Variants in DNMT1 observed in about 807,000 individuals in gnomAD.
DNMT1 encodes DNA methyltransferase 1.
Under a neutral mutation model 205.3 loss-of-function variants are expected in DNMT1, and 24 were observed. That is an observed-to-expected ratio of 0.12 (90% CI 0.08 to 0.16). The LOEUF (loss-of-function observed/expected upper bound fraction) is 0.16. DNMT1 is among the 10% of genes least tolerant of loss of function. The pLI, the probability that DNMT1 is intolerant of heterozygous loss-of-function variation, is 1.00. For missense variants in DNMT1, 1,293 were observed against 2,177.7 expected, an observed-to-expected ratio of 0.59 and a Z score of 8.09; for synonymous variants, 817 against 839.8, an observed-to-expected ratio of 0.97 and a Z score of 0.47.
chr19:10,188,649 C>G (rs1367604442), intron 1 of DNMT1, among the ~76,000 whole-genome samples: 2 of 152,260 alleles, frequency 1.3e-5, no homozygotes, highest in South Asian at 2.1e-4. Flanking sequence ...GAATACAGAC[C>G]TTGAGATGGG....
intron 1 of DNMT1, among the ~76,000 whole-genome samples, chr19:10,189,544 C>T (rs1176303736): frequency 2.6e-5 from 4 of 151,770 alleles, no homozygotes; most frequent in Non-Finnish European, 4.4e-5. Flanking sequence ...CTCTGCCTCC[C>T]GAGTAGCTGG....
intron 7 of DNMT1, 125 bp from the exon 8 acceptor site, chr19:10,174,030 G>A: frequency 1.0e-6 from 1 of 981,136 alleles, no homozygotes; most frequent in Non-Finnish European, 1.6e-6. Flanking sequence ...GGAAAAGAAG[G>A]GGCCTGGGTT....
intron 27 of DNMT1, among the ~76,000 whole-genome samples, chr19:10,147,263 GATAAATAA>G (rs36026709): frequency 1.1e-4 from 16 of 146,656 alleles, no homozygotes; most frequent in African/African-American, 1.5e-4. Flanking sequence ...CCCTGTCTCA[GATAAATAA>G]ATAAATAAAT....
intron 31 of DNMT1, 35 bp downstream of exon 31, chr19:10,141,070 G>A (rs1158344023): frequency 1.2e-6 from 2 of 1,612,088 alleles, no homozygotes; most frequent in Non-Finnish European, 1.7e-6. Context: ...AGTTACAGAA[G>A]AATAACTTGA....
chr19:10,171,846 A>AATAC (rs2038824993), intron 9 of DNMT1, among the ~76,000 whole-genome samples: 4 of 148,772 alleles, frequency 2.7e-5, no homozygotes, highest in South Asian at 2.1e-4. Flanking sequence ...TAAATAAATA[A>AATAC]AAACACAAAA....
At position 10,136,321 on chromosome 19, in the gene DNMT1, T is replaced by C. The variant is rs753057715; in HGVS notation, c.4490-34A>G. 4 of 1,611,786 alleles carry C rather than the reference T, an allele frequency of 2.5e-6. No individual in the cohort carries two copies. In the South Asian group the frequency reaches 4.4e-5, roughly 18 times the overall value. On this transcript the variant is annotated intron_variant, in intron 37 of 40. Coordinates refer to ENST00000359526, the MANE Select transcript of DNMT1 (RefSeq NM_001130823.3). ...CAGGACAGTGATGAGGCTGCAGTTG[T>C]GGGATGGGGTATAGGCTTGGGACAG...
At chr19:10,135,070 G>A (rs1042893285) in intron 39 of DNMT1, among the ~76,000 whole-genome samples, 1 of 151,786 alleles carries the variant, frequency 6.6e-6, no homozygotes, top group Non-Finnish European at 1.5e-5. Context: ...AAATTAGCCG[G>A]GTGTGGTAGC....
Position 10,136,274 on chromosome 19 carries a change from G to A in DNMT1, c.4503C>T (p.Cys1501=), listed in dbSNP as rs149271718. ...VCSCVEAGKA[C]DPAARQFNTL... is the part of the protein sequence containing the mutation. The stretch of plus-strand genomic sequence containing the variant: ...TGTTGAACTGCCTGGCTGCGGGGTC[G>A]CAGGCTTTGCCGGCTGGAAGACAGG... The change falls in exon 38 of 41, where the codon TGC becomes TGT. Residue 1501 remains cysteine (C), a synonymous_variant. Transcript: ENST00000359526. 657 of 1,613,996 alleles carry A rather than the reference G, an allele frequency of 4.1e-4. 5 individuals carry two copies. The African/African-American group carries it at 7.7e-3, about 19-fold the overall frequency.
At chr19:10,145,337 G>A (rs183803693) in intron 28 of DNMT1, among the ~76,000 whole-genome samples, 22 of 152,318 alleles carry the variant, frequency 1.4e-4, no homozygotes, top group Non-Finnish European at 2.2e-4. Context: ...ACAACCAGAG[G>A]GGGTAACGCG....
At chr19:10,152,936 C>CAAAAAAA (rs34698448) in intron 22 of DNMT1, among the ~76,000 whole-genome samples, 1 of 72,588 alleles carries the variant, frequency 1.4e-5, no homozygotes. Context: ...CCTGTCTCTA[C>CAAAAAAA]AAAAAAAAAA....
At chr19:10,174,696 G>C (rs1178549576) in intron 7 of DNMT1, among the ~76,000 whole-genome samples, 1 of 150,914 alleles carries the variant, frequency 6.6e-6, no homozygotes, top group African/African-American at 2.4e-5. Flanking sequence ...GAAAGAGTGA[G>C]ACTCCATCTA....
rs1292868370 is a variant in DNMT1, at chr19:10,154,249, C to A, written c.2019+44G>T. The A allele has an allele frequency of 6.2e-7, 1 of 1,604,964 alleles. No individual in the cohort carries two copies. Reference sequence around the variant, plus strand: ...AGCAGTCCTCAGATCAGGCCAGAGGCTGGGCCACCTTAGGGGAGCGGGAGC... The same window carrying A: ...AGCAGTCCTCAGATCAGGCCAGAGGATGGGCCACCTTAGGGGAGCGGGAGC... On this transcript the variant is annotated intron_variant, in intron 22 of 40. Coordinates refer to ENST00000359526, the MANE Select transcript of DNMT1 (RefSeq NM_001130823.3). The surrounding 1 kb of genome is among the most constrained non-coding windows in gnomAD (Gnocchi z 6.3).
At chr19:10,190,600 T>A (rs1281093543) in intron 1 of DNMT1, among the ~76,000 whole-genome samples, 1 of 151,604 alleles carries the variant, frequency 6.6e-6, no homozygotes, top group Admixed American at 6.6e-5. Flanking sequence ...CGGTTTCTAC[T>A]AAAAATAAGA....
Position 10,180,402 on chromosome 19 carries a change from G to T in DNMT1, c.393C>A (p.Pro131=). The T allele has an allele frequency of 6.2e-7, 1 of 1,613,986 alleles. No individual in the cohort carries two copies. Among genetic ancestry groups the T allele is most frequent in the Non-Finnish European group, 8.5e-7 (1 of 1,180,038 alleles). Residue 131 remains proline (P), a synonymous_variant, in exon 4 of 41, where the codon CCC becomes CCA. Transcript: ENST00000359526. ...TCCTGGGCGTGCGAGGTTTGGAAAG[G>T]GGTTTGGGGGGGCTGTTGGCATCTG... The part of the protein sequence containing the change: ...GMADANSPPK[P]LSKPRTPRRS...
intron 37 of DNMT1, among the ~76,000 whole-genome samples, chr19:10,136,736 T>C (rs1208279331): frequency 6.7e-6 from 1 of 149,374 alleles, no homozygotes; most frequent in Non-Finnish European, 1.5e-5. Context: ...GTGCCTGACC[T>C]GCTTTTATTA....
At chr19:10,158,186 A>C (rs1398120511) in intron 17 of DNMT1, among the ~76,000 whole-genome samples, 1 of 152,222 alleles carries the variant, frequency 6.6e-6, no homozygotes, top group Non-Finnish European at 1.5e-5. Flanking sequence ...GGTGAAGGCC[A>C]GAGTGAGGCC....
intron 11 of DNMT1, among the ~76,000 whole-genome samples, chr19:10,163,930 T>C (rs1273399290): frequency 6.6e-6 from 1 of 152,034 alleles, no homozygotes; most frequent in African/African-American, 2.4e-5. Context: ...CGGGGGGCCC[T>C]GCACCGGGGC....
chr19:10,151,993 C>T lies in DNMT1; in HGVS notation c.2020-146G>A, dbSNP rs1433374337. ...TGGCCAACGTGGTGAAACCCCATCT[C>T]TACTAAAAATACAAAGATTAGCCAG... On this transcript the variant is annotated intron_variant, in intron 22 of 40. Transcript: ENST00000359526. This position sits in a 1 kb window ranked among gnomAD's most constrained non-coding sequence, Gnocchi z 5.0. The T allele has an allele frequency of 6.8e-6, 5 of 733,572 alleles. No homozygotes were observed. Among genetic ancestry groups the T allele is most frequent in the South Asian group, 4.4e-5 (3 of 68,898 alleles). The allele number at this position is 733,572 out of a possible 1,614,324, so 45.4% of individuals were successfully genotyped here.
chr19:10,188,833 G>A (rs2039245288), intron 1 of DNMT1, among the ~76,000 whole-genome samples: 1 of 152,138 alleles, frequency 6.6e-6, no homozygotes. Flanking sequence ...CGAGGGATGA[G>A]ACCGCCTCCA....
Sources: allele counts gnomAD v4.1 joint callset (sites outside exome capture counted in the v4.1 genomes callset), GRCh38; gene constraint gnomAD v4.1.1; non-coding constraint Gnocchi (gnomAD v3.1); transcripts MANE v1.5; gene names NCBI Gene and HGNC (gene_info 2026-07-23, HGNC 2026-07-21).